KLHL1: variants seen among roughly 807,000 people sequenced by gnomAD.
KLHL1 encodes kelch-like protein 1.
A neutral mutation model predicts 77.7 loss-of-function variants in KLHL1; 47 were observed. The ratio of observed to expected loss-of-function variants is 0.60; its 90% CI spans 0.48 to 0.77. The LOEUF (loss-of-function observed/expected upper bound fraction) is 0.77, where lower values mean the gene tolerates loss of function less well. Ranked by LOEUF, KLHL1 falls within the 30% of genes least tolerant of loss-of-function variation. The pLI is 0.00. For synonymous variants in KLHL1, 360 were observed against 325.2 expected (o/e 1.11, Z -1.15); for missense variants, 925 against 910.8 (o/e 1.02, Z -0.20).
chr13:69,877,955 CCTA>C (rs962355574), intron 5 of KLHL1, among the ~76,000 whole-genome samples: 4 of 152,012 alleles, frequency 2.6e-5, no homozygotes, highest in Admixed American at 2.6e-4. Context: ...ACATAATGGG[CCTA>C]CTAATAAAAC....
intron 5 of KLHL1, among the ~76,000 whole-genome samples, chr13:69,868,718 A>ATT (rs576296024): frequency 1.3e-5 from 2 of 150,044 alleles, no homozygotes; most frequent in South Asian, 2.1e-4. Context: ...TCAAAAGATA[A>ATT]TTTTTTTTTT....
At chr13:69,726,806 T>C (rs1450430412) in intron 8 of KLHL1, among the ~76,000 whole-genome samples, 1 of 152,286 alleles carries the variant, frequency 6.6e-6, no homozygotes, top group Non-Finnish European at 1.5e-5. Context: ...CTGCAAATTA[T>C]TTGTTATTGT....
chr13:70,088,784 T>A (rs1338193030), intron 1 of KLHL1, among the ~76,000 whole-genome samples: 1 of 152,174 alleles, frequency 6.6e-6, no homozygotes, highest in African/African-American at 2.4e-5. Flanking sequence ...TTAGACATTT[T>A]TCTCATTTAT....
intron 7 of KLHL1, among the ~76,000 whole-genome samples, chr13:69,755,181 G>T (rs1423205369): frequency 6.6e-6 from 1 of 151,970 alleles, no homozygotes; most frequent in Non-Finnish European, 1.5e-5. Flanking sequence ...AGCTCCTTGA[G>T]TTCACAAGAG....
intron 1 of KLHL1, among the ~76,000 whole-genome samples, chr13:70,005,929 G>A (rs1325767133): frequency 6.6e-6 from 1 of 151,774 alleles, no homozygotes; most frequent in Non-Finnish European, 1.5e-5. Flanking sequence ...ATTAACTATC[G>A]GACTATGTTG....
chr13:70,020,255 T>C (rs956278864), intron 1 of KLHL1, among the ~76,000 whole-genome samples: 2 of 152,156 alleles, frequency 1.3e-5, no homozygotes, highest in African/African-American at 4.8e-5. Context: ...GAAACACTTA[T>C]AGTGGCATCA....
intron 4 of KLHL1, among the ~76,000 whole-genome samples, chr13:69,935,422 A>G (rs1271857149): frequency 2.6e-5 from 4 of 152,184 alleles, no homozygotes; most frequent in Non-Finnish European, 5.9e-5. Context: ...ATAGACAACA[A>G]AAACAACAAT....
chr13:70,013,301 T>C (rs976292887), intron 1 of KLHL1, among the ~76,000 whole-genome samples: 4 of 152,154 alleles, frequency 2.6e-5, no homozygotes, highest in Non-Finnish European at 5.9e-5. Flanking sequence ...ACAAAGGGAA[T>C]GCAGAGAACC....
At chr13:69,977,527 T>C (rs1012136671) in intron 1 of KLHL1, among the ~76,000 whole-genome samples, 3 of 152,130 alleles carry the variant, frequency 2.0e-5, no homozygotes, top group African/African-American at 7.2e-5. Context: ...ATGTAATTAC[T>C]ATATTCTGTA....
At chr13:69,908,630 G>A (rs773594499) in intron 4 of KLHL1, among the ~76,000 whole-genome samples, 2 of 151,176 alleles carry the variant, frequency 1.3e-5, no homozygotes, top group African/African-American at 2.4e-5. Flanking sequence ...TATTGCATAT[G>A]TTTTCAAATG....
intron 4 of KLHL1, among the ~76,000 whole-genome samples, chr13:69,885,592 C>T (rs185568611): frequency 1.0e-3 from 152 of 152,236 alleles, no homozygotes; most frequent in African/African-American, 3.4e-3. Flanking sequence ...GAGAAAATAT[C>T]AATTCCCATT....
chr13:69,710,853 T>C (rs1875842498), intron 9 of KLHL1, among the ~76,000 whole-genome samples: 1 of 152,140 alleles, frequency 6.6e-6, no homozygotes, highest in South Asian at 2.1e-4. Flanking sequence ...GGGGTCTTAC[T>C]GTATTTAGGC....
intron 5 of KLHL1, among the ~76,000 whole-genome samples, chr13:69,858,639 T>C (rs2138147327): frequency 6.6e-6 from 1 of 152,120 alleles, no homozygotes; most frequent in Middle Eastern, 3.4e-3. Flanking sequence ...ACTATCACAA[T>C]TCACTAAGAA....
rs116813524 is a variant in KLHL1, at chr13:69,729,353, G to T, written c.1803-9772C>A. Among the ~76,000 whole-genome samples, 655 of 152,128 alleles carry T rather than the reference G, an allele frequency of 4.3e-3. 8 individuals carry two copies. The highest frequency in any genetic ancestry group is 0.015 in the African/African-American group (626 of 41,520). On this transcript the variant is annotated intron_variant, in intron 8 of 10. Transcript: ENST00000377844. ...TTTTAAGCCATAAACCAATTTCTTG[G>T]TTTTTTCTTCCACAAGAAATAGTGT... is the stretch of plus-strand genomic sequence containing the variant.
intron 1 of KLHL1, among the ~76,000 whole-genome samples, chr13:70,016,310 T>C (rs1228276109): frequency 1.3e-5 from 2 of 152,144 alleles, no homozygotes; most frequent in Admixed American, 1.3e-4. Flanking sequence ...TGCCCCCTAC[T>C]GAGTTAAAAG....
chr13:69,883,162 CAG>C (rs1476955531), intron 4 of KLHL1, among the ~76,000 whole-genome samples: 2 of 152,152 alleles, frequency 1.3e-5, no homozygotes, highest in Non-Finnish European at 2.9e-5. Context: ...ATCATGATGA[CAG>C]AATAATATTT....
chr13:69,983,099 C>A (rs1319414609), intron 1 of KLHL1, among the ~76,000 whole-genome samples: 1 of 152,052 alleles, frequency 6.6e-6, no homozygotes, highest in Non-Finnish European at 1.5e-5. Context: ...AAAGCAATCC[C>A]ATTTATATCT....
intron 10 of KLHL1, among the ~76,000 whole-genome samples, chr13:69,704,917 T>C (rs1875557042): frequency 1.3e-5 from 2 of 151,662 alleles, no homozygotes; most frequent in African/African-American, 4.8e-5. Flanking sequence ...ATATATCTTA[T>C]ATATCTATTG....
intron 5 of KLHL1, among the ~76,000 whole-genome samples, chr13:69,846,018 A>G (rs2138122526): frequency 6.6e-6 from 1 of 151,652 alleles, no homozygotes; most frequent in African/African-American, 2.4e-5. Flanking sequence ...AAAATCATTA[A>G]TAAGTTGCTT....
Sources: gnomAD v4.1 joint callset for allele counts (sites outside exome capture counted in the v4.1 genomes callset) on GRCh38, gnomAD v4.1.1 for gene constraint, MANE v1.5 for transcripts, NCBI Gene and HGNC (gene_info 2026-07-23, HGNC 2026-07-21) for gene names.